The following ERICH1 variants were observed in gnomAD, a reference collection of about 807,000 sequenced individuals.
ERICH1 encodes glutamate rich 1, also known as glutamate-rich protein 1.
Under a neutral mutation model 39.6 loss-of-function variants are expected in ERICH1, and 56 were observed. The ratio of observed to expected loss-of-function variants is 1.41; its 90% CI spans 1.14 to 1.77. ERICH1 has a LOEUF of 1.77. ERICH1 is among the 40% of genes most tolerant of loss of function. The pLI, the probability that ERICH1 is intolerant of heterozygous loss-of-function variation, is 0.00. For missense variants in ERICH1, 826 were observed against 575.4 expected (o/e 1.44, Z -4.45); for synonymous variants, 313 against 223.6 (o/e 1.40, Z -3.57).
chr8:658,082 C>G (rs1800897744), intron 3 of ERICH1, among the ~76,000 whole-genome samples: 1 of 152,260 alleles, frequency 6.6e-6, no homozygotes. Flanking sequence ...CCATTCTTAG[C>G]TCCGGCTGCT....
At chr8:659,887 G>T (rs1195733366), downstream of ERICH1, among the ~76,000 whole-genome samples, 1 of 151,592 alleles carries the variant, frequency 6.6e-6, no homozygotes, top group African/African-American at 2.4e-5. Flanking sequence ...GAATATCCTG[G>T]GGAGGGGGTG....
At chr8:653,516 C>T (rs1044487148) in intron 3 of ERICH1, among the ~76,000 whole-genome samples, 1 of 151,864 alleles carries the variant, frequency 6.6e-6, no homozygotes, top group Non-Finnish European at 1.5e-5. Context: ...ATATCACTTC[C>T]CCTTTTTTTT....
At chr8:629,344 CTGTGA>C (rs1797787243) in intron 3 of ERICH1, among the ~76,000 whole-genome samples, 3 of 151,666 alleles carry the variant, frequency 2.0e-5, no homozygotes, top group Admixed American at 1.3e-4. Context: ...TCACACCCTC[CTGTGA>C]CCACCCACAC....
At chr8:616,399 C>T (rs1045115023) in intron 3 of ERICH1, 1 of 377,064 alleles carries the variant, frequency 2.7e-6, no homozygotes, top group Non-Finnish European at 5.3e-6. Flanking sequence ...AAACTCCTGC[C>T]ACGTGTGTGA....
At chr8:726,514 A>G (rs1288833391) in intron 1 of ERICH1, among the ~76,000 whole-genome samples, 1 of 151,722 alleles carries the variant, frequency 6.6e-6, no homozygotes, top group Non-Finnish European at 1.5e-5. Flanking sequence ...ACATAGGCAA[A>G]CAGCCAGACA....
chr8:724,220 A>C (rs1431519249), intron 1 of ERICH1, among the ~76,000 whole-genome samples: 1 of 152,150 alleles, frequency 6.6e-6, no homozygotes, highest in African/African-American at 2.4e-5. Flanking sequence ...CAAAGAAGAA[A>C]GCCGGGCACC....
chr8:652,819 T>C (rs1029695308), intron 3 of ERICH1, among the ~76,000 whole-genome samples: 15 of 152,128 alleles, frequency 9.9e-5, no homozygotes, highest in South Asian at 2.1e-4. Flanking sequence ...CCTAAGAAGA[T>C]AGACAAAGGT....
intron 3 of ERICH1, among the ~76,000 whole-genome samples, chr8:621,499 A>AG (rs1797278738): frequency 6.6e-6 from 1 of 151,736 alleles, no homozygotes; most frequent in Non-Finnish European, 1.5e-5. Context: ...GTTAATAAAA[A>AG]TTTTTTAAAT....
chr8:634,048 A>G (rs1378141404), intron 3 of ERICH1, among the ~76,000 whole-genome samples: 1 of 152,066 alleles, frequency 6.6e-6, no homozygotes, highest in East Asian at 1.9e-4. Flanking sequence ...AAACAAAAAC[A>G]TTTCGTCCAT....
At chr8:671,714 TGCCGCCCCG>T in intron 4 of ERICH1, 1 of 144,532 alleles carries the variant, frequency 6.9e-6, no homozygotes, top group Non-Finnish European at 1.4e-5. Flanking sequence ...CCTCTGAACC[TGCCGCCCCG>T]GCTCTAATGT....
chr8:679,137 CG>C (rs1563244141), intron 3 of ERICH1, among the ~76,000 whole-genome samples: 1 of 149,724 alleles, frequency 6.7e-6, no homozygotes, highest in Non-Finnish European at 1.5e-5. Flanking sequence ...AGCTCTCACC[CG>C]TCAAAGCTCC....
chr8:668,530 G>A (rs773454572), intron 5 of ERICH1, 68 bp downstream of exon 5: 14 of 1,566,832 alleles, frequency 8.9e-6, no homozygotes, highest in Non-Finnish European at 1.1e-5. Context: ...TGGCGTGTAA[G>A]TCTTTCAGAG....
chr8:621,369 A>C (rs1797270626), intron 3 of ERICH1, among the ~76,000 whole-genome samples: 1 of 152,190 alleles, frequency 6.6e-6, no homozygotes, highest in Non-Finnish European at 1.5e-5. Context: ...AAAATTTCTC[A>C]CAACAAAAGA....
At chr8:625,634 A>G (rs1797562158) in intron 3 of ERICH1, 1 of 152,256 alleles carries the variant, frequency 6.6e-6, no homozygotes, top group African/African-American at 2.4e-5. Context: ...AGCAAATTAT[A>G]TCTTAAGACA....
chr8:621,542 G>T (rs1048221607), intron 3 of ERICH1, among the ~76,000 whole-genome samples: 9 of 151,532 alleles, frequency 5.9e-5, no homozygotes, highest in Non-Finnish European at 1.0e-4. Flanking sequence ...AAAAGAGAAA[G>T]GAGATAGAGA....
At chr8:705,903 C>A (rs1009949061) in intron 2 of ERICH1, among the ~76,000 whole-genome samples, 2 of 152,142 alleles carry the variant, frequency 1.3e-5, no homozygotes, top group Admixed American at 1.3e-4. Flanking sequence ...TAACACTGCA[C>A]TTTCACCGTA....
intron 3 of ERICH1, among the ~76,000 whole-genome samples, chr8:676,771 A>G (rs983275405): frequency 1.3e-5 from 2 of 152,228 alleles, no homozygotes; most frequent in Non-Finnish European, 1.5e-5. Context: ...ACCTAGAACT[A>G]TAAAGCTTGC....
rs1415091894 is a variant in ERICH1 at position 675,211 on chromosome 8, G to C, written c.305-1164C>G. Among the ~76,000 whole-genome samples, 5 of 22,452 alleles carry C rather than the reference G, an allele frequency of 2.2e-4. 2 individuals carry two copies. The allele number at this position is 22,452 out of a possible 152,430, so 14.7% of individuals were successfully genotyped here. ...GAGGACAGAGACGCGGCGCCCCCTC[G>C]TGAGGACAGAGACGCGGCGGCCCCT... On this transcript the variant is annotated intron_variant, in intron 3 of 5. Transcript: ENST00000262109.
At chr8:618,113 G>A (rs543740979) in intron 3 of ERICH1, among the ~76,000 whole-genome samples, 11 of 148,210 alleles carry the variant, frequency 7.4e-5, no homozygotes, top group Admixed American at 1.4e-4. Context: ...TGCCCTATGC[G>A]TGCTCACTAC....
Sources: gnomAD v4.1 joint callset for allele counts (sites outside exome capture counted in the v4.1 genomes callset) on GRCh38, gnomAD v4.1.1 for gene constraint, MANE v1.5 for transcripts, NCBI Gene and HGNC (gene_info 2026-07-23, HGNC 2026-07-21) for gene names.